IDE: variants seen among roughly 807,000 people sequenced by gnomAD.
IDE encodes the protein insulin-degrading enzyme.
Under a neutral mutation model 133.2 loss-of-function variants are expected in IDE, and 58 were observed. The ratio of observed to expected loss-of-function variants is 0.44; its 90% CI spans 0.35 to 0.54. The LOEUF (loss-of-function observed/expected upper bound fraction) is 0.54, where lower values mean the gene tolerates loss of function less well. Ranked by LOEUF, IDE falls within the 20% of genes least tolerant of loss-of-function variation. The probability of loss-of-function intolerance (pLI) is 0.00; values close to 1 mark genes in which losing one functional copy is unlikely to be tolerated. For synonymous variants in IDE, 396 were observed against 421.3 expected (o/e 0.94, Z 0.73); for missense variants, 981 against 1,234.0 (o/e 0.79, Z 3.07).
intron 1 of IDE, among the ~76,000 whole-genome samples, chr10:92,561,586 TAATAAA>T (rs1843285563): frequency 2.7e-5 from 4 of 146,466 alleles, no homozygotes; most frequent in African/African-American, 1.0e-4. Flanking sequence ...ACCCCATCTC[TAATAAA>T]AATACAAAAA....
In IDE at chr10:92,474,908, C is replaced by T. The variant is rs375351375; in HGVS notation, c.2049G>A (p.Met683Ile). Residue 683 changes from methionine (M) to isoleucine (I), a missense_variant, in exon 17 of 25, where the codon ATG becomes ATA. Coordinates refer to ENST00000265986, the MANE Select transcript of IDE (RefSeq NM_004969.4). ...FRAEQPHQHA[M>I]YYLRLLMTEV... ...CAGTCATCAGCAAGCGGAGGTAGTA[C>T]ATGGCATGCTGGTGAGGCTGTTCAG... The T allele has an allele frequency of 3.1e-6, 5 of 1,613,440 alleles. No individual in the cohort carries two copies. Among genetic ancestry groups the T allele is most frequent in the East Asian group, 2.2e-5 (1 of 44,876 alleles).
intron 1 of IDE, among the ~76,000 whole-genome samples, chr10:92,546,199 C>A (rs1842527397): frequency 6.6e-6 from 1 of 152,130 alleles, no homozygotes; most frequent in Non-Finnish European, 1.5e-5. Flanking sequence ...CAAGTAAAAT[C>A]AAGCTATGCT....
In IDE at chr10:92,504,794, C is replaced by T. The variant is rs751140006; in HGVS notation, c.1430G>A (p.Arg477Gln). 1.1e-5 allele frequency: 17 copies of T among 1,511,520 alleles called. No homozygotes were observed. Among genetic ancestry groups the T allele is most frequent in the East Asian group, 4.6e-5 (2 of 43,642 alleles). 93.6% of individuals were successfully genotyped at this position (1,511,520 alleles called of 1,614,324 possible). The stretch of plus-strand genomic sequence containing the variant: ...TAGTAAAATCTGTATGGTGACTCAC[C>T]GGACATTTTCTGGTCTGAGTTTATC... ...VLDKLRPENV[R>Q]VAIVSKSFEG... The change falls in exon 11 of 25, where the codon CGG becomes CAG. Residue 477 changes from arginine (R) to glutamine (Q), a missense_variant and splice_region_variant. Physicochemically the swap from Arg to Gln is conservative, Grantham distance 43. Around this residue, in one of 2 missense-constraint regions of IDE, gnomAD observed 660 missense variants for 894.7 expected, o/e 0.74. Coordinates refer to ENST00000265986, the MANE Select transcript of IDE (RefSeq NM_004969.4).
intron 1 of IDE, among the ~76,000 whole-genome samples, chr10:92,554,131 G>A (rs1313549176): frequency 6.6e-6 from 1 of 152,168 alleles, no homozygotes; most frequent in Non-Finnish European, 1.5e-5. Flanking sequence ...CATTCACCTT[G>A]ATCAAGTGAG....
intron 16 of IDE, among the ~76,000 whole-genome samples, chr10:92,475,638 C>T (rs935457620): frequency 2.0e-5 from 3 of 152,064 alleles, no homozygotes; most frequent in African/African-American, 7.2e-5. Flanking sequence ...TTCAGAGCTG[C>T]AACTCTGAAT....
rs371624813 is a variant in IDE, at chr10:92,469,103, G to T, written c.2209-113C>A. On this transcript the variant is annotated intron_variant, in intron 18 of 24. Transcript: ENST00000265986. ...GGATTCTAAAACCTTAAATATATTT[G>T]ATCCTATTCAAATGGATAAAAATTG... is the stretch of plus-strand genomic sequence containing the variant. 1,442 of 633,756 alleles carry T rather than the reference G, an allele frequency of 2.3e-3. 11 individuals carry two copies. Among genetic ancestry groups the T allele is most frequent in the South Asian group, 0.012 (593 of 50,402 alleles). The allele number at this position is 633,756 out of a possible 1,614,324, so 39.3% of individuals were successfully genotyped here. A position where few individuals can be genotyped will look rare whatever the true frequency, so the allele number is the denominator to read the frequency against.
Position 92,501,042 on chromosome 10 carries a change from GA to G in IDE, c.1430+3751del, listed in dbSNP as rs1198437077. ...GGCGACAGAGTGAGATCCTGTCTCA[GA>G]AAAAAAAAAAAGAAAAAGAAAAAAA... On this transcript the variant is annotated intron_variant, in intron 11 of 24. Transcript: ENST00000265986. Among the ~76,000 whole-genome samples, 722 of 113,166 alleles carry G rather than the reference GA, an allele frequency of 6.4e-3. 7 individuals carry two copies. The highest frequency in any genetic ancestry group is 0.022 in the African/African-American group (658 of 30,596). The allele number at this position is 113,166 out of a possible 152,430, so 74.2% of individuals were successfully genotyped here.
At chr10:92,465,393 C>T (rs1288638957) in intron 20 of IDE, among the ~76,000 whole-genome samples, 1 of 152,178 alleles carries the variant, frequency 6.6e-6, no homozygotes, top group Non-Finnish European at 1.5e-5. Flanking sequence ...CATCTTGCTA[C>T]CCATAAGCTT....
At chr10:92,509,265 G>T (rs1464430455) in intron 6 of IDE, among the ~76,000 whole-genome samples, 1 of 152,144 alleles carries the variant, frequency 6.6e-6, no homozygotes, top group Admixed American at 6.5e-5. Flanking sequence ...CCTAATAAAT[G>T]TGAGATTGAT....
At chr10:92,561,078 C>A (rs1404950587) in intron 1 of IDE, among the ~76,000 whole-genome samples, 1 of 151,728 alleles carries the variant, frequency 6.6e-6, no homozygotes, top group African/African-American at 2.4e-5. Flanking sequence ...CATGGTGAAA[C>A]CCTGTCTTTC....
At chr10:92,533,440 TG>T (rs1225841784) in intron 3 of IDE, among the ~76,000 whole-genome samples, 2 of 152,140 alleles carry the variant, frequency 1.3e-5, no homozygotes, top group Non-Finnish European at 2.9e-5. Context: ...GCCTTGATAA[TG>T]TTTTTTCAAT....
chr10:92,523,726 C>T (rs1437140439), intron 4 of IDE, among the ~76,000 whole-genome samples: 2 of 149,712 alleles, frequency 1.3e-5, no homozygotes, highest in Non-Finnish European at 3.0e-5. Flanking sequence ...AAAAAAGTCA[C>T]GCACACCTAA....
At chr10:92,529,083 CA>C (rs1849780202) in intron 4 of IDE, among the ~76,000 whole-genome samples, 1 of 151,672 alleles carries the variant, frequency 6.6e-6, no homozygotes, top group Non-Finnish European at 1.5e-5. Flanking sequence ...TCAAAAAAAA[CA>C]AAACAAAAAA....
chr10:92,463,817 C>T lies in IDE; in HGVS notation c.2675G>A (p.Arg892His). The change falls in exon 21 of 25, where the codon CGT (arginine) becomes CAT (histidine). Residue 892 changes from arginine to histidine, a missense_variant. Physicochemically the swap from Arg to His is conservative, Grantham distance 29. Transcript: ENST00000265986. ...TAGCTTCTTTGGTTTGTCTAGTCGACGAATTGCTAATGCCTGAATGTGTTT... is the reference window on the plus strand; with the variant it reads ...TAGCTTCTTTGGTTTGTCTAGTCGATGAATTGCTAATGCCTGAATGTGTTT... ...FQKHIQALAIRRLDKPKKLSA... is the reference protein window; with the variant it reads ...FQKHIQALAIHRLDKPKKLSA... The T allele has an allele frequency of 6.2e-7, 1 of 1,614,056 alleles. No homozygotes were observed. The highest frequency in any genetic ancestry group is 8.5e-7 in the Non-Finnish European group (1 of 1,179,914).
chr10:92,511,099 A>AC (rs1303511576), intron 5 of IDE, among the ~76,000 whole-genome samples: 13 of 149,562 alleles, frequency 8.7e-5, no homozygotes, highest in Non-Finnish European at 1.8e-4. Context: ...AAAAAAAAAA[A>AC]AACTTTTTTT....
chr10:92,476,076 T>C (rs1446386684), intron 15 of IDE, 82 bp from the exon 16 acceptor site: 1 of 669,890 alleles, frequency 1.5e-6, no homozygotes, highest in Non-Finnish European at 2.6e-6. Flanking sequence ...TTTAAACATG[T>C]AGAAAATCCC....
intron 13 of IDE, among the ~76,000 whole-genome samples, chr10:92,483,896 G>A (rs1166388801): frequency 6.6e-6 from 1 of 152,158 alleles, no homozygotes; most frequent in Non-Finnish European, 1.5e-5. Flanking sequence ...TCACTTTGGG[G>A]GAAGCCTGCT....
chr10:92,491,797 G>C (rs536348401), intron 11 of IDE, among the ~76,000 whole-genome samples: 1 of 152,086 alleles, frequency 6.6e-6, no homozygotes, highest in South Asian at 2.1e-4. Flanking sequence ...TGTTAGTAGA[G>C]ACAGGGTTTC....
intron 1 of IDE, among the ~76,000 whole-genome samples, chr10:92,545,138 T>C (rs918419410): frequency 1.2e-4 from 18 of 152,298 alleles, no homozygotes; most frequent in Non-Finnish European, 1.9e-4. Flanking sequence ...CTCAATGGTA[T>C]ACTCAATAGT....
Sources: gnomAD v4.1 joint callset for allele counts (sites outside exome capture counted in the v4.1 genomes callset) on GRCh38, gnomAD v4.1.1 for gene constraint, gnomAD v4.1.1 regional missense constraint, MANE v1.5 for transcripts, NCBI Gene and HGNC (gene_info 2026-07-23, HGNC 2026-07-21) for gene names.